SCAPER: variants seen among roughly 807,000 people sequenced by gnomAD.
SCAPER encodes S phase cyclin A-associated protein in the endoplasmic reticulum.
SCAPER carries 98 observed loss-of-function variants against 182.2 expected under a neutral mutation model. The ratio of observed to expected loss-of-function variants is 0.54; its 90% CI spans 0.46 to 0.64. SCAPER has a LOEUF of 0.64. Among genes scored for constraint, SCAPER ranks in the 30% least tolerant of loss-of-function variants. SCAPER has a pLI of 0.00. For synonymous variants in SCAPER, 605 were observed against 564.6 expected, an observed-to-expected ratio of 1.07 and a Z score of -1.01; for missense variants, 1,432 against 1,690.0, an observed-to-expected ratio of 0.85 and a Z score of 2.68.
chr15:76,548,121 G>A (rs1359352854), intron 23 of SCAPER, among the ~76,000 whole-genome samples: 4 of 151,306 alleles, frequency 2.6e-5, no homozygotes, highest in African/African-American at 2.4e-5. Context: ...TTCCCGTTCA[G>A]AAAAAAAAAG....
At chr15:76,400,437 T>C in intron 27 of SCAPER, among the ~76,000 whole-genome samples, 1 of 152,238 alleles carries the variant, frequency 6.6e-6, no homozygotes, top group East Asian at 1.9e-4. Flanking sequence ...AAAATGCTTG[T>C]CACTGTCATT....
At chr15:76,480,179 T>C (rs1268380749) in intron 24 of SCAPER, among the ~76,000 whole-genome samples, 1 of 152,176 alleles carries the variant, frequency 6.6e-6, no homozygotes, top group South Asian at 2.1e-4. Flanking sequence ...GAGAGACAAA[T>C]GTTAACACCA....
intron 20 of SCAPER, among the ~76,000 whole-genome samples, chr15:76,679,494 C>T (rs2057563799): frequency 6.6e-6 from 1 of 152,186 alleles, no homozygotes. Flanking sequence ...ATGACAACTT[C>T]TGAAAATAAA....
intron 23 of SCAPER, among the ~76,000 whole-genome samples, chr15:76,556,423 G>T (rs1215302804): frequency 2.6e-5 from 4 of 152,060 alleles, no homozygotes; most frequent in Non-Finnish European, 5.9e-5. Context: ...CCATACACAA[G>T]ATCAGTAAAT....
intron 2 of SCAPER, among the ~76,000 whole-genome samples, chr15:76,865,448 G>A (rs1309617455): frequency 2.0e-5 from 3 of 152,198 alleles, no homozygotes; most frequent in Admixed American, 2.0e-4. Flanking sequence ...ACTGAAAACG[G>A]TTCAAAACAG....
chr15:76,805,293 G>A lies in SCAPER; in HGVS notation c.394-660C>T, dbSNP rs370109087. On this transcript the variant is annotated intron_variant, in intron 5 of 31. Coordinates refer to ENST00000563290, the MANE Select transcript of SCAPER (RefSeq NM_020843.4). Reference sequence around the variant, plus strand: ...TCTCTTGGGTATATACTTAGAAGTGGATTTGCTGAGTCATATGATAACTCT... The same window carrying A: ...TCTCTTGGGTATATACTTAGAAGTGAATTTGCTGAGTCATATGATAACTCT... Among the ~76,000 whole-genome samples the A allele has an allele frequency of 2.9e-4, 44 of 152,200 alleles. 1 individual carries two copies. In the East Asian group the frequency reaches 4.2e-3, roughly 15 times the overall value.
Position 76,774,844 on chromosome 15 carries a change from G to A in SCAPER, c.1035+11C>T. 6.3e-7 allele frequency: 1 copy of A among 1,599,424 alleles called. No homozygotes were observed. Among genetic ancestry groups the A allele is most frequent in the South Asian group, 1.1e-5 (1 of 88,484 alleles). On this transcript the variant is annotated intron_variant, in intron 9 of 31. Coordinates refer to ENST00000563290, the MANE Select transcript of SCAPER (RefSeq NM_020843.4). ...GAAAAAGACAGTAAAAGGATTTTCA[G>A]AATGTACTACCTGGGTTTTTTCGGC...
intron 22 of SCAPER, among the ~76,000 whole-genome samples, chr15:76,615,260 C>T (rs564501208): frequency 4.6e-5 from 7 of 151,728 alleles, no homozygotes; most frequent in Non-Finnish European, 7.4e-5. Context: ...GCCTGGGCTA[C>T]GTGGTAAGAC....
chr15:76,654,247 G>A (rs760206006), intron 21 of SCAPER, among the ~76,000 whole-genome samples: 8 of 151,770 alleles, frequency 5.3e-5, no homozygotes, highest in Non-Finnish European at 1.0e-4. Flanking sequence ...CTAAAACTAC[G>A]AAAACAAAAA....
chr15:76,637,970 T>G (rs2146336092), intron 21 of SCAPER, among the ~76,000 whole-genome samples: 1 of 152,096 alleles, frequency 6.6e-6, no homozygotes, highest in African/African-American at 2.4e-5. Context: ...GAAATGTCAA[T>G]TCCTTTGCCC....
Position 76,858,210 on chromosome 15 carries a change from C to G in SCAPER, c.125-331G>C, listed in dbSNP as rs79138134. On this transcript the variant is annotated intron_variant, in intron 3 of 31. Transcript: ENST00000563290. ...ACAAAGTCCAGTTACTGGTACTCCTCAACTTGTATATAAATCTGGAAATAG... is the reference window on the plus strand; with the variant it reads ...ACAAAGTCCAGTTACTGGTACTCCTGAACTTGTATATAAATCTGGAAATAG... Among the ~76,000 whole-genome samples the G allele has an allele frequency of 1.2e-3, 188 of 152,270 alleles. 4 individuals carry two copies. In the East Asian group the frequency reaches 0.035, roughly 28 times the overall value.
intron 25 of SCAPER, among the ~76,000 whole-genome samples, chr15:76,466,770 G>A (rs1481369568): frequency 6.7e-6 from 1 of 149,082 alleles, no homozygotes; most frequent in East Asian, 2.0e-4. Flanking sequence ...AAACTTTGGG[G>A]GGGATACAAC....
At chr15:76,396,602 T>C (rs188841616) in intron 27 of SCAPER, among the ~76,000 whole-genome samples, 1 of 152,346 alleles carries the variant, frequency 6.6e-6, no homozygotes, top group East Asian at 1.9e-4. Context: ...ATTACTTTTT[T>C]TGATTTCAAG....
At chr15:76,535,521 CAAAAA>C (rs56660301) in intron 23 of SCAPER, among the ~76,000 whole-genome samples, 4 of 46,632 alleles carry the variant, frequency 8.6e-5, no homozygotes, top group East Asian at 1.3e-3. Flanking sequence ...GACTCTGTCT[CAAAAA>C]AAAAAAAAAA....
At chr15:76,384,587 A>G (rs1192455100) in intron 27 of SCAPER, among the ~76,000 whole-genome samples, 1 of 152,196 alleles carries the variant, frequency 6.6e-6, no homozygotes, top group African/African-American at 2.4e-5. Flanking sequence ...TGAAATGAAA[A>G]CGGTAATTGA....
Position 76,674,221 on chromosome 15 carries a change from C to T in SCAPER, c.2509-8432G>A, listed in dbSNP as rs529147632. 2.4e-4 allele frequency among the ~76,000 whole-genome samples: 36 copies of T among 152,100 alleles called. No individual in the cohort carries two copies. The South Asian group carries it at 4.8e-3, about 20-fold the overall frequency. On this transcript the variant is annotated intron_variant, in intron 20 of 31. Coordinates refer to ENST00000563290, the MANE Select transcript of SCAPER (RefSeq NM_020843.4). ...TTAATTAGTGGATCTAGGTACTAAG[C>T]GTCAATAGCTGATACGTCAATACCA...
intron 25 of SCAPER, among the ~76,000 whole-genome samples, chr15:76,437,443 A>C (rs1292240407): frequency 6.6e-6 from 1 of 152,208 alleles, no homozygotes; most frequent in African/African-American, 2.4e-5. Flanking sequence ...CTAGAATATT[A>C]GTAAGGCCTC....
At chr15:76,790,162 C>T (rs943052694) in intron 8 of SCAPER, among the ~76,000 whole-genome samples, 7 of 150,218 alleles carry the variant, frequency 4.7e-5, no homozygotes, top group South Asian at 2.1e-4. Flanking sequence ...ACCCAGGAGG[C>T]GGAGCTTGCA....
chr15:76,549,369 A>T lies in SCAPER; in HGVS notation c.2838+24789T>A, dbSNP rs970395515. Among the ~76,000 whole-genome samples, 3 of 152,222 alleles carry T rather than the reference A, an allele frequency of 2.0e-5. No individual in the cohort carries two copies. The East Asian group carries it at 5.8e-4, about 29-fold the overall frequency. ...CTTGGAACCAACCCAAATGTCCAAC[A>T]ATGATAGACCTGATTAAGAAAATAT... On this transcript the variant is annotated intron_variant, in intron 23 of 31. Coordinates refer to ENST00000563290, the MANE Select transcript of SCAPER (RefSeq NM_020843.4).
Sources: allele counts gnomAD v4.1 joint callset (sites outside exome capture counted in the v4.1 genomes callset), GRCh38; gene constraint gnomAD v4.1.1; transcripts MANE v1.5; gene names NCBI Gene and HGNC (gene_info 2026-07-23, HGNC 2026-07-21).